Variants in DENND1A observed in about 807,000 individuals in gnomAD.
DENND1A encodes DENN domain-containing protein 1A.
In DENND1A, 51 loss-of-function variants were observed where a neutral mutation model predicts 113.7. The ratio of observed to expected loss-of-function variants is 0.45; its 90% confidence interval spans 0.36 to 0.57. DENND1A has a LOEUF of 0.57. DENND1A is among the 20% of genes least tolerant of loss of function. DENND1A has a pLI of 0.00. For synonymous variants in DENND1A, 565 were observed against 570.8 expected (o/e 0.99, Z 0.14); for missense variants, 1,258 against 1,395.9 (o/e 0.90, Z 1.57).
intron 13 of DENND1A, among the ~76,000 whole-genome samples, chr9:123,501,083 TG>T (rs1458527342): frequency 6.6e-6 from 1 of 152,200 alleles, no homozygotes; most frequent in East Asian, 1.9e-4. Context: ...TCTGTAGGCC[TG>T]AAATAATAAC....
intron 5 of DENND1A, among the ~76,000 whole-genome samples, chr9:123,731,779 A>C (rs1292411185): frequency 6.6e-6 from 1 of 152,236 alleles, no homozygotes; most frequent in Non-Finnish European, 1.5e-5. Flanking sequence ...TAAGAGAATA[A>C]AAAGAGAAAT....
chr9:123,668,836 C>G (rs2063620414), intron 7 of DENND1A, among the ~76,000 whole-genome samples: 1 of 152,136 alleles, frequency 6.6e-6, no homozygotes, highest in South Asian at 2.1e-4. Flanking sequence ...ATTAATTCAA[C>G]AGTGAGGATT....
intron 7 of DENND1A, among the ~76,000 whole-genome samples, chr9:123,669,937 T>C (rs2063684688): frequency 6.6e-6 from 1 of 152,182 alleles, no homozygotes; most frequent in Non-Finnish European, 1.5e-5. Context: ...GGCTTGAAGT[T>C]AGCCCTGGCT....
intron 2 of DENND1A, among the ~76,000 whole-genome samples, chr9:123,862,979 A>T (rs1487614796): frequency 6.6e-6 from 1 of 152,222 alleles, no homozygotes; most frequent in Non-Finnish European, 1.5e-5. Flanking sequence ...TCAAAACTTG[A>T]AAATAGGATT....
chr9:123,706,984 G>C (rs1006211932), intron 5 of DENND1A, among the ~76,000 whole-genome samples: 32 of 152,278 alleles, frequency 2.1e-4, no homozygotes, highest in Middle Eastern at 3.4e-3. Flanking sequence ...TAAGCAGCTG[G>C]AGTTCAAGGG....
rs180931027 is a variant in DENND1A at position 123,920,288 on chromosome 9, G to A, written c.17+9601C>T. Among the ~76,000 whole-genome samples the A allele has an allele frequency of 3.2e-3, 480 of 152,126 alleles. 5 individuals are homozygous for A. The highest frequency in any genetic ancestry group is 1.8e-3 in the Admixed American group (27 of 15,282). On this transcript the variant is annotated intron_variant, in intron 1 of 23. Coordinates refer to ENST00000394215, the MANE Select transcript of DENND1A (RefSeq NM_001352964.2). ...CTACTAAAAGTACGAAAAATTAGCC[G>A]GACATGGTGGCAGGTGCCTGTAATC... is the stretch of plus-strand genomic sequence containing the variant.
chr9:123,499,584 G>A (rs1192665749), intron 13 of DENND1A, among the ~76,000 whole-genome samples: 1 of 152,130 alleles, frequency 6.6e-6, no homozygotes, highest in Non-Finnish European at 1.5e-5. Flanking sequence ...TTTGTATGAC[G>A]AGACAAAGCA....
In DENND1A at chr9:123,857,496, G is replaced by C. The variant is rs761039770; in HGVS notation, c.88+21455C>G. Among the ~76,000 whole-genome samples the C allele has an allele frequency of 2.4e-4, 36 of 152,120 alleles. 1 individual carries two copies. The highest frequency in any genetic ancestry group is 3.5e-4 in the Non-Finnish European group (24 of 68,016). On this transcript the variant is annotated intron_variant, in intron 2 of 23. Coordinates refer to ENST00000394215, the MANE Select transcript of DENND1A (RefSeq NM_001352964.2). Reference sequence around the variant, plus strand: ...TAATTAAAAAGGAGTAAGTAAGGAGGAACTTTTCAGTAGACAAGCCTGGCA... The same window carrying C: ...TAATTAAAAAGGAGTAAGTAAGGAGCAACTTTTCAGTAGACAAGCCTGGCA...
At chr9:123,502,856 A>T (rs951376450) in intron 13 of DENND1A, among the ~76,000 whole-genome samples, 1 of 152,188 alleles carries the variant, frequency 6.6e-6, no homozygotes, top group African/African-American at 2.4e-5. Flanking sequence ...GAGCCCACTA[A>T]CTTTCTAACA....
chr9:123,690,537 A>G (rs2140381627), intron 5 of DENND1A, among the ~76,000 whole-genome samples: 1 of 152,346 alleles, frequency 6.6e-6, no homozygotes, highest in Non-Finnish European at 1.5e-5. Flanking sequence ...TTTACAATAT[A>G]TTTAGATATA....
intron 19 of DENND1A, among the ~76,000 whole-genome samples, chr9:123,429,540 G>T (rs968696312): frequency 1.3e-5 from 2 of 152,134 alleles, no homozygotes; most frequent in East Asian, 3.8e-4. Flanking sequence ...GGGTGACACA[G>T]CAAGGCTCTG....
At chr9:123,914,589 TAAAGA>T (rs1564498373) in intron 1 of DENND1A, among the ~76,000 whole-genome samples, 1 of 145,026 alleles carries the variant, frequency 6.9e-6, no homozygotes, top group East Asian at 2.0e-4. Flanking sequence ...GGGTAATTGA[TAAAGA>T]AAAGAGGTTT....
intron 13 of DENND1A, among the ~76,000 whole-genome samples, chr9:123,542,603 G>A (rs950495181): frequency 6.6e-6 from 1 of 152,116 alleles, no homozygotes; most frequent in Non-Finnish European, 1.5e-5. Context: ...AGATCAGCTG[G>A]TTTCCGCTTG....
chr9:123,815,572 T>C (rs957970136), intron 2 of DENND1A, among the ~76,000 whole-genome samples: 3 of 152,174 alleles, frequency 2.0e-5, no homozygotes, highest in Admixed American at 1.3e-4. Flanking sequence ...CAGTATAACA[T>C]TTGCAAAGAA....
chr9:123,392,646 A>G (rs1332566588), intron 21 of DENND1A, among the ~76,000 whole-genome samples: 1 of 152,116 alleles, frequency 6.6e-6, no homozygotes, highest in Non-Finnish European at 1.5e-5. Context: ...CATCTCCCTG[A>G]ACCTAACTTT....
chr9:123,655,043 C>T (rs1300392124), intron 8 of DENND1A, among the ~76,000 whole-genome samples: 1 of 152,198 alleles, frequency 6.6e-6, no homozygotes, highest in Admixed American at 6.5e-5. Context: ...AGTGAAATAC[C>T]TGGAAATTGT....
intron 19 of DENND1A, among the ~76,000 whole-genome samples, chr9:123,427,273 G>A (rs1265208589): frequency 6.6e-6 from 1 of 152,232 alleles, no homozygotes; most frequent in Non-Finnish European, 1.5e-5. Context: ...GTCAGGAACC[G>A]TGTCATTGCC....
intron 18 of DENND1A, 149 bp downstream of exon 18, chr9:123,450,544 G>C: frequency 1.8e-6 from 1 of 567,056 alleles, no homozygotes; most frequent in South Asian, 2.7e-5. Context: ...ATTTATAACA[G>C]TGTGAAAACT....
At chr9:123,705,055 C>T (rs1201711476) in intron 5 of DENND1A, among the ~76,000 whole-genome samples, 2 of 138,260 alleles carry the variant, frequency 1.4e-5, no homozygotes, top group Non-Finnish European at 3.0e-5. Context: ...TGAAATCCCA[C>T]GCAAGATGAA....
Sources: allele counts gnomAD v4.1 joint callset (sites outside exome capture counted in the v4.1 genomes callset), GRCh38; gene constraint gnomAD v4.1.1; transcripts MANE v1.5; gene names NCBI Gene and HGNC (gene_info 2026-07-23, HGNC 2026-07-21).